CLCN7: variants seen among roughly 807,000 people sequenced by gnomAD.
CLCN7 encodes the protein H(+)/Cl(-) exchange transporter 7.
In CLCN7, 60 loss-of-function variants were observed where a neutral mutation model predicts 102.1. The observed-to-expected ratio is 0.59, with a 90% CI of 0.48 to 0.73. CLCN7 has a LOEUF of 0.73. CLCN7 is among the 30% of genes least tolerant of loss of function. CLCN7 has a pLI of 0.00. For missense variants in CLCN7, 962 were observed against 1,125.7 expected, an observed-to-expected ratio of 0.85 and a Z score of 2.08; for synonymous variants, 560 against 490.5, an observed-to-expected ratio of 1.14 and a Z score of -1.87.
intron 19 of CLCN7, 22 bp downstream of exon 19, chr16:1,448,943 GA>G (rs2038698535): frequency 6.2e-7 from 1 of 1,611,474 alleles, no homozygotes; most frequent in African/African-American, 1.3e-5. Flanking sequence ...CTCTCAGGGT[GA>G]GGCTTCGAGG....
chr16:1,449,364 G>T, intron 17 of CLCN7, 37 bp from the exon 18 acceptor site: 2 of 1,564,540 alleles, frequency 1.3e-6, no homozygotes, highest in Non-Finnish European at 8.7e-7. Context: ...TCAGTGTGGT[G>T]GCAGGCCCAA....
chr16:1,467,417 C>T (rs943558286), intron 1 of CLCN7, among the ~76,000 whole-genome samples: 8 of 152,302 alleles, frequency 5.3e-5, no homozygotes, highest in East Asian at 1.9e-4. Context: ...CACGGGCTGA[C>T]GGTGGGAGGA....
At chr16:1,463,010 G>T (rs1365158156) in intron 2 of CLCN7, among the ~76,000 whole-genome samples, 5 of 152,110 alleles carry the variant, frequency 3.3e-5, no homozygotes, top group Non-Finnish European at 7.4e-5. Context: ...AATATTAGCT[G>T]AGTATGGTGA....
At position 1,453,889 on chromosome 16, in the gene CLCN7, C is replaced by T. The variant is rs368848461; in HGVS notation, c.1159G>A (p.Val387Met). The T allele has an allele frequency of 6.2e-7, 1 of 1,613,194 alleles. No homozygotes were observed. The highest frequency in any genetic ancestry group is 1.7e-5 in the Admixed American group (1 of 60,032). Residue 387 changes from valine to methionine, a missense_variant, in exon 14 of 25, where the codon GTG becomes ATG. Physicochemically the swap from Val to Met is conservative, Grantham distance 21. Transcript: ENST00000382745. ...VFIAMGVVGGVLGAVFNALNY... is the reference protein window; with the variant it reads ...VFIAMGVVGGMLGAVFNALNY... ...AAGGCATTGAACACTGCTCCAAGCA[C>T]ACCGCCTGCGAACAGGGGAAAGGCC...
At chr16:1,474,531 A>C (rs893527463) in intron 1 of CLCN7, among the ~76,000 whole-genome samples, 15 of 152,234 alleles carry the variant, frequency 9.9e-5, no homozygotes, top group African/African-American at 3.4e-4. Flanking sequence ...GGAGGGAATG[A>C]ACGTGCGCCA....
intron 15 of CLCN7, chr16:1,451,939 C>T (rs1357342220): frequency 8.2e-5 from 46 of 560,436 alleles, no homozygotes; most frequent in Non-Finnish European, 4.0e-5. Flanking sequence ...CACACACGGC[C>T]TAGGCCCAGC....
chr16:1,447,016 T>C lies in CLCN7; in HGVS notation c.2321A>G (p.Asn774Ser). 1 of 1,597,720 alleles carries C rather than the reference T, an allele frequency of 6.3e-7. No individual in the cohort carries two copies. The highest frequency in any genetic ancestry group is 8.5e-7 in the Non-Finnish European group (1 of 1,175,956). The change falls in exon 24 of 25, where the codon AAC becomes AGC. Residue 774 changes from asparagine to serine, a missense_variant. Coordinates refer to ENST00000382745, the MANE Select transcript of CLCN7 (RefSeq NM_001287.6). ...ACCGCCCCCGCTCACCTGATTGCGG[T>C]TGTCCACCACCACCAGGTGCCGCAG... Reference protein sequence around the residue: ...LGLRHLVVVDNRNQVVGLVTR... With the variant: ...LGLRHLVVVDSRNQVVGLVTR...
intron 2 of CLCN7, among the ~76,000 whole-genome samples, chr16:1,462,678 A>AC (rs1567273404): frequency 4.5e-4 from 53 of 116,606 alleles, no homozygotes; most frequent in South Asian, 1.0e-3. Context: ...AAAAAAAAAA[A>AC]AAAAAAAAAC....
chr16:1,454,887 G>A (rs1282892535), intron 12 of CLCN7, among the ~76,000 whole-genome samples: 1 of 152,222 alleles, frequency 6.6e-6, no homozygotes, highest in African/African-American at 2.4e-5. Flanking sequence ...GCCGTGGGAG[G>A]CCCCATGCAC....
chr16:1,446,398 G>A lies in CLCN7; in HGVS notation c.*233C>T. On this transcript the variant is annotated 3_prime_UTR_variant, in exon 25 of 25. Coordinates refer to ENST00000382745, the MANE Select transcript of CLCN7 (RefSeq NM_001287.6). Reference sequence around the variant, plus strand: ...AGGTAAAGAAACCTAGACGAGGAGAGTGGAGGCTGGGCCTGCGCAAGGAGG... The same window carrying A: ...AGGTAAAGAAACCTAGACGAGGAGAATGGAGGCTGGGCCTGCGCAAGGAGG... 1 of 702,448 alleles carries A rather than the reference G, an allele frequency of 1.4e-6. No individual in the cohort carries two copies. Among genetic ancestry groups the A allele is most frequent in the Non-Finnish European group, 2.6e-6 (1 of 384,854 alleles). 43.5% of individuals were successfully genotyped at this position (702,448 alleles called of 1,614,324 possible).
At chr16:1,462,683 A>AAAAAAAAAC (rs1471363912) in intron 2 of CLCN7, among the ~76,000 whole-genome samples, 77 of 151,010 alleles carry the variant, frequency 5.1e-4, no homozygotes, top group African/African-American at 1.8e-3. Context: ...AAAAAAAAAA[A>AAAAAAAAAC]AAAACCAGGC....
intron 1 of CLCN7, among the ~76,000 whole-genome samples, chr16:1,467,428 G>A (rs764564041): frequency 1.3e-5 from 2 of 152,204 alleles, no homozygotes; most frequent in Non-Finnish European, 2.9e-5. Context: ...GGTGGGAGGA[G>A]GAAGGTGCCA....
intron 10 of CLCN7, 85 bp from the exon 11 acceptor site, chr16:1,455,880 A>T: frequency 6.9e-7 from 1 of 1,454,546 alleles, no homozygotes; most frequent in East Asian, 2.3e-5. Context: ...GCTCCAGGGA[A>T]CCCAGACCAC....
intron 16 of CLCN7, 99 bp from the exon 17 acceptor site, chr16:1,450,765 G>C: frequency 9.4e-7 from 1 of 1,067,522 alleles, no homozygotes; most frequent in Non-Finnish European, 1.3e-6. Context: ...TCACCTTCCA[G>C]GAGCCCAGCA....
chr16:1,465,384 T>C (rs1374991304), intron 1 of CLCN7, 46 bp from the exon 2 acceptor site: 1 of 1,538,352 alleles, frequency 6.5e-7, no homozygotes. Flanking sequence ...CGTCGCACGC[T>C]CTGCTCCGTG....
At chr16:1,465,226 C>A (rs1244560723) in intron 2 of CLCN7, 41 bp downstream of exon 2, 1 of 1,587,448 alleles carries the variant, frequency 6.3e-7, no homozygotes, top group Admixed American at 1.7e-5. Flanking sequence ...TGCTAAGATG[C>A]AGCTAGCTCT....
At chr16:1,468,054 G>T (rs775191590) in intron 1 of CLCN7, among the ~76,000 whole-genome samples, 4 of 152,080 alleles carry the variant, frequency 2.6e-5, no homozygotes, top group Admixed American at 6.6e-5. Flanking sequence ...CTGCGCTCCA[G>T]CCTGGGCAAC....
intron 4 of CLCN7, 151 bp from the exon 5 acceptor site, chr16:1,461,099 C>A: frequency 8.8e-7 from 1 of 1,132,494 alleles, no homozygotes; most frequent in Non-Finnish European, 1.2e-6. Flanking sequence ...AGTTTCTGGC[C>A]AACATCTGAG....
intron 2 of CLCN7, among the ~76,000 whole-genome samples, chr16:1,462,654 T>TA (rs1310529213): frequency 9.9e-5 from 5 of 50,346 alleles, no homozygotes; most frequent in East Asian, 6.3e-4. Context: ...CCCCAACTCT[T>TA]AAAAAAAAGC....
Sources: allele counts gnomAD v4.1 joint callset (sites outside exome capture counted in the v4.1 genomes callset), GRCh38; gene constraint gnomAD v4.1.1; transcripts MANE v1.5; gene names NCBI Gene and HGNC (gene_info 2026-07-23, HGNC 2026-07-21).